GATA6: variants seen among roughly 807,000 people sequenced by gnomAD.
GATA6 encodes transcription factor GATA-6.
GATA6 carries 11 observed loss-of-function variants against 48.1 expected under a neutral mutation model. The ratio of observed to expected loss-of-function variants is 0.23; its 90% CI spans 0.14 to 0.38. The LOEUF is 0.38. Ranked by LOEUF, GATA6 falls within the 10% of genes least tolerant of loss-of-function variation. The pLI, the probability that GATA6 is intolerant of heterozygous loss-of-function variation, is 1.00. For synonymous variants in GATA6, 419 were observed against 396.1 expected (o/e 1.06, Z -0.69); for missense variants, 795 against 850.3 (o/e 0.93, Z 0.81).
chr18:22,195,066 T>G (rs1314311866), intron 6 of GATA6, among the ~76,000 whole-genome samples: 1 of 152,130 alleles, frequency 6.6e-6, no homozygotes, highest in Non-Finnish European at 1.5e-5. Flanking sequence ...CTCTGGAGAC[T>G]GAGGCAGGAG....
chr18:22,197,933 G>A (rs1205128497), intron 6 of GATA6, among the ~76,000 whole-genome samples: 4 of 151,936 alleles, frequency 2.6e-5, no homozygotes, highest in African/African-American at 4.8e-5. Flanking sequence ...GCCAACAGTC[G>A]ACTTTCTAAT....
intron 6 of GATA6, among the ~76,000 whole-genome samples, chr18:22,193,807 T>G (rs1880779262): frequency 6.6e-6 from 1 of 152,190 alleles, no homozygotes; most frequent in African/African-American, 2.4e-5. Context: ...TCTGGTTTTC[T>G]TCCTCAAAGG....
At chr18:22,182,723 TA>T (rs1567999551) in intron 4 of GATA6, 33 bp from the exon 5 acceptor site, 2 of 1,432,062 alleles carry the variant, frequency 1.4e-6, no homozygotes, top group Admixed American at 1.7e-5. Context: ...TTCAATATAA[TA>T]TTAAATTTAT....
In GATA6 at chr18:22,171,026, G is replaced by C. The variant is rs1555628668; in HGVS notation, c.-37-82G>C. 3.7e-6 allele frequency: 3 copies of C among 807,882 alleles called. No homozygotes were observed. Among genetic ancestry groups the C allele is most frequent in the Non-Finnish European group, 6.2e-6 (3 of 483,834 alleles). 50.0% of individuals were successfully genotyped at this position (807,882 alleles called of 1,614,324 possible). ...GATCCCATTTGAACTAGAAAAAGGAGTGGAGGCGAGGTAGCGTGCAGCCTA... is the reference window on the plus strand; with the variant it reads ...GATCCCATTTGAACTAGAAAAAGGACTGGAGGCGAGGTAGCGTGCAGCCTA... On this transcript the variant is annotated intron_variant, in intron 1 of 6. Transcript: ENST00000269216. This position sits in a 1 kb window ranked among gnomAD's most constrained non-coding sequence, Gnocchi z 7.1.
intron 6 of GATA6, among the ~76,000 whole-genome samples, chr18:22,183,952 T>G (rs935265711): frequency 4.6e-5 from 7 of 152,252 alleles, no homozygotes; most frequent in African/African-American, 1.7e-4. Context: ...ATTTACTTAG[T>G]AATTGTTTTC....
Position 22,172,146 on chromosome 18 carries a change from G to T in GATA6, c.1002G>T (p.Pro334=), listed in dbSNP as rs1289006109. Reference sequence around the variant, plus strand: ...ACCACCACCACCACCACCACCATCCGAGCCCCTACTCGCCCTACGTGGGGG... The same window carrying T: ...ACCACCACCACCACCACCACCATCCTAGCCCCTACTCGCCCTACGTGGGGG... ...HHHHHHHHHH[P]SPYSPYVGAP... The change falls in exon 2 of 7, where the codon CCG becomes CCT. Residue 334 remains proline, a synonymous_variant. Coordinates refer to ENST00000269216, the MANE Select transcript of GATA6 (RefSeq NM_005257.6). The surrounding 1 kb of genome is among the most constrained non-coding windows in gnomAD (Gnocchi z 5.2). 7.7e-7 allele frequency: 1 copy of T among 1,292,200 alleles called. No individual in the cohort carries two copies. Among genetic ancestry groups the T allele is most frequent in the African/African-American group, 1.5e-5 (1 of 64,708 alleles). 80.0% of individuals were successfully genotyped at this position (1,292,200 alleles called of 1,614,324 possible). A position where few individuals can be genotyped will look rare whatever the true frequency, so the allele number is the denominator to read the frequency against.
At chr18:22,181,729 A>G (rs2033198289) in intron 4 of GATA6, 151 bp downstream of exon 4, 2 of 793,260 alleles carry the variant, frequency 2.5e-6, no homozygotes. Flanking sequence ...TATTCAGTGT[A>G]CATACTGAAT....
At chr18:22,188,083 T>TAAA (rs113464485) in intron 6 of GATA6, among the ~76,000 whole-genome samples, 5 of 149,324 alleles carry the variant, frequency 3.3e-5, no homozygotes, top group African/African-American at 1.2e-4. Context: ...ATTTCTAGTT[T>TAAA]AAAAAAAAAA....
Position 22,171,567 on chromosome 18 carries a change from C to G in GATA6, c.423C>G (p.Pro141=), listed in dbSNP as rs766213257. ...SRGAKLSPFA[P]EQPEEMYQTL... Reference sequence around the variant, plus strand: ...GCGCCAAGCTGAGCCCCTTCGCACCCGAGCAGCCGGAGGAGATGTACCAGA... The same window carrying G: ...GCGCCAAGCTGAGCCCCTTCGCACCGGAGCAGCCGGAGGAGATGTACCAGA... The change falls in exon 2 of 7, where the codon CCC becomes CCG. Residue 141 remains proline, a synonymous_variant. Transcript: ENST00000269216. This position sits in a 1 kb window ranked among gnomAD's most constrained non-coding sequence, Gnocchi z 7.1. 49 of 1,602,940 alleles carry G rather than the reference C, an allele frequency of 3.1e-5. No homozygotes were observed. Among genetic ancestry groups the G allele is most frequent in the Non-Finnish European group, 4.0e-5 (47 of 1,179,378 alleles).
In GATA6 at chr18:22,177,952, G is replaced by GTTT. The variant is rs775374335; in HGVS notation, c.1302+855_1302+857dup. On this transcript the variant is annotated intron_variant, in intron 3 of 6. Transcript: ENST00000269216. ...TTCGCACACGTTTTACTGTTTTTTTGTTTTTTTTTTTTTTTTTTTTTTTTT... is the reference window on the plus strand; with the variant it reads ...TTCGCACACGTTTTACTGTTTTTTTGTTTTTTTTTTTTTTTTTTTTTTTTTTTT... Among the ~76,000 whole-genome samples, 33 of 80,458 alleles carry GTTT rather than the reference G, an allele frequency of 4.1e-4. 1 individual carries two copies. The highest frequency in any genetic ancestry group is 8.8e-4 in the South Asian group (2 of 2,262). The allele number at this position is 80,458 out of a possible 152,430, so 52.8% of individuals were successfully genotyped here.
intron 6 of GATA6, among the ~76,000 whole-genome samples, chr18:22,191,630 A>AG (rs1245718117): frequency 6.6e-6 from 1 of 152,200 alleles, no homozygotes; most frequent in African/African-American, 2.4e-5. Flanking sequence ...GTTCATGTTT[A>AG]GACCTACCTG....
rs574442395 is a variant in GATA6, at chr18:22,172,548, T to C, written c.1135+269T>C. Among the ~76,000 whole-genome samples, 6 of 152,282 alleles carry C rather than the reference T, an allele frequency of 3.9e-5. No individual in the cohort carries two copies. The South Asian group carries it at 1.2e-3, about 32-fold the overall frequency. On this transcript the variant is annotated intron_variant, in intron 2 of 6. Coordinates refer to ENST00000269216, the MANE Select transcript of GATA6 (RefSeq NM_005257.6). This position sits in a 1 kb window ranked among gnomAD's most constrained non-coding sequence, Gnocchi z 5.2. ...AAATGCACATCTGTACCTTCGTGCC[T>C]TGGGGAAGCTCAGGGCCTTGATGAG...
At position 22,181,527 on chromosome 18, in the gene GATA6, C is replaced by T. The variant is rs765639422; in HGVS notation, c.1377C>T (p.Ala459=). ...CTACCACCTTATGGCGCAGAAACGC[C>T]GAGGGTGAACCCGTGTGCAATGCTT... ...TTTTTLWRRN[A]EGEPVCNACG... Residue 459 remains alanine, a synonymous_variant, in exon 4 of 7, where the codon GCC becomes GCT. Transcript: ENST00000269216. 3.7e-5 allele frequency: 60 copies of T among 1,614,110 alleles called. No individual in the cohort carries two copies. In the Middle Eastern group the frequency reaches 9.9e-4, roughly 27 times the overall value.
At chr18:22,198,669 C>T in intron 6 of GATA6, among the ~76,000 whole-genome samples, 1 of 151,924 alleles carries the variant, frequency 6.6e-6, no homozygotes. Flanking sequence ...CATCCTTTTG[C>T]TTATTTCTTT....
rs937501700 is a variant in GATA6, at chr18:22,185,633, A to G, written c.1620+2590A>G. On this transcript the variant is annotated intron_variant, in intron 6 of 6. Coordinates refer to ENST00000269216, the MANE Select transcript of GATA6 (RefSeq NM_005257.6). This position sits in a 1 kb window ranked among gnomAD's most constrained non-coding sequence, Gnocchi z 4.3. ...GCCTGGGCTTGCAGGGTTTTATTTCATGGATGTCTCCAAAAGCCTCTACCT... is the reference window on the plus strand; with the variant it reads ...GCCTGGGCTTGCAGGGTTTTATTTCGTGGATGTCTCCAAAAGCCTCTACCT... 6.6e-6 allele frequency among the ~76,000 whole-genome samples: 1 copy of G among 152,102 alleles called. No homozygotes were observed. Among genetic ancestry groups the G allele is most frequent in the Non-Finnish European group, 1.5e-5 (1 of 68,016 alleles).
chr18:22,171,980 C>G lies in GATA6; in HGVS notation c.836C>G (p.Pro279Arg), dbSNP rs1381761115. The stretch of plus-strand genomic sequence containing the variant: ...ATGGCCAACGGCGCCGCGCGGGAGC[C>G]GGGAGGCTACGCGGCGGCGGGCAGT... ...PPMANGAARE[P>R]GGYAAAGSGG... Residue 279 changes from proline (P) to arginine (R), a missense_variant, in exon 2 of 7, where the codon CCG becomes CGG. Pro to Arg is a moderately radical substitution (Grantham distance 103). Coordinates refer to ENST00000269216, the MANE Select transcript of GATA6 (RefSeq NM_005257.6). This position sits in a 1 kb window ranked among gnomAD's most constrained non-coding sequence, Gnocchi z 7.1. The G allele has an allele frequency of 1.6e-6, 2 of 1,219,280 alleles. No homozygotes were observed. The highest frequency in any genetic ancestry group is 1.6e-5 in the African/African-American group (1 of 63,572). The allele number at this position is 1,219,280 out of a possible 1,614,324, so 75.5% of individuals were successfully genotyped here. A position where few individuals can be genotyped will look rare whatever the true frequency, so the allele number is the denominator to read the frequency against.
chr18:22,196,807 T>C (rs749203638), intron 6 of GATA6, among the ~76,000 whole-genome samples: 10 of 152,128 alleles, frequency 6.6e-5, no homozygotes, highest in Non-Finnish European at 1.2e-4. Context: ...CAGAACACTT[T>C]GATTTATTTT....
At position 22,183,083 on chromosome 18, in the gene GATA6, T is replaced by C. The variant is rs200063118; in HGVS notation, c.1620+40T>C. ...AGCATAGACTCCTAAATTACTGGGCTGCTCTCTAGTAAATTATCTCAAATT... is the reference window on the plus strand; with the variant it reads ...AGCATAGACTCCTAAATTACTGGGCCGCTCTCTAGTAAATTATCTCAAATT... On this transcript the variant is annotated intron_variant, in intron 6 of 6. Coordinates refer to ENST00000269216, the MANE Select transcript of GATA6 (RefSeq NM_005257.6). 9.0e-5 allele frequency: 130 copies of C among 1,438,110 alleles called. No homozygotes were observed. In the African/African-American group the frequency reaches 1.7e-3, roughly 18 times the overall value. 89.1% of individuals were successfully genotyped at this position (1,438,110 alleles called of 1,614,324 possible). A position where few individuals can be genotyped will look rare whatever the true frequency, so the allele number is the denominator to read the frequency against.
intron 6 of GATA6, among the ~76,000 whole-genome samples, chr18:22,184,820 C>G (rs1006338860): frequency 2.6e-5 from 4 of 152,024 alleles, no homozygotes; most frequent in Admixed American, 6.6e-5. Flanking sequence ...TTTATTATGC[C>G]GTAGTCCTCA....
Sources: gnomAD v4.1 joint callset for allele counts (sites outside exome capture counted in the v4.1 genomes callset) on GRCh38, gnomAD v4.1.1 for gene constraint, Gnocchi (gnomAD v3.1) non-coding constraint, MANE v1.5 for transcripts, NCBI Gene and HGNC (gene_info 2026-07-23, HGNC 2026-07-21) for gene names.